The following NLGN1 variants were observed in gnomAD, a reference collection of about 807,000 sequenced individuals.
NLGN1 encodes neuroligin 1.
In NLGN1, 12 loss-of-function variants were observed where a neutral mutation model predicts 65.5. That is an observed-to-expected ratio of 0.18 (90% CI 0.12 to 0.30). The LOEUF (loss-of-function observed/expected upper bound fraction) is 0.30, where lower values mean the gene tolerates loss of function less well. NLGN1 is among the 10% of genes least tolerant of loss of function. The pLI is 1.00. For missense variants in NLGN1, 750 were observed against 1,007.1 expected (o/e 0.74, Z 3.46); for synonymous variants, 350 against 359.5 (o/e 0.97, Z 0.30).
chr3:174,211,115 A>G (rs6781379), intron 4 of NLGN1, among the ~76,000 whole-genome samples: 111,890 of 151,906 alleles, frequency 0.74, 41,266 homozygotes, highest in East Asian at 0.81. Context: ...AGATCTTCGC[A>G]GTGAGTGTTA....
chr3:174,152,546 A>T (rs1724576268), intron 4 of NLGN1, among the ~76,000 whole-genome samples: 1 of 152,028 alleles, frequency 6.6e-6, no homozygotes, highest in Non-Finnish European at 1.5e-5. Context: ...ACCTGATGTA[A>T]ATGATGAGTT....
intron 2 of NLGN1, among the ~76,000 whole-genome samples, chr3:173,443,289 T>G (rs1210865614): frequency 7.1e-6 from 1 of 140,638 alleles, no homozygotes; most frequent in Non-Finnish European, 1.5e-5. Flanking sequence ...TTTATATTTT[T>G]ACTTTAATAG....
intron 2 of NLGN1, among the ~76,000 whole-genome samples, chr3:173,602,625 G>A (rs1750728077): frequency 6.6e-6 from 1 of 151,980 alleles, no homozygotes. Flanking sequence ...TATCAGTTGT[G>A]CGAAGAAAAA....
intron 4 of NLGN1, among the ~76,000 whole-genome samples, chr3:174,164,194 T>G (rs1032424526): frequency 6.6e-6 from 1 of 152,128 alleles, no homozygotes; most frequent in Non-Finnish European, 1.5e-5. Flanking sequence ...TGATTATTGA[T>G]GATGATAATT....
At chr3:173,497,640 A>G (rs1730254277) in intron 2 of NLGN1, among the ~76,000 whole-genome samples, 1 of 151,808 alleles carries the variant, frequency 6.6e-6, no homozygotes, top group Admixed American at 6.6e-5. Flanking sequence ...ATGTCTTCAA[A>G]TCAATTCCTG....
upstream of NLGN1, chr3:173,396,767 T>G (rs1716691759): frequency 6.6e-6 from 1 of 152,280 alleles, no homozygotes; most frequent in Middle Eastern, 3.2e-3. Flanking sequence ...GAACTTCCTA[T>G]TCCCTGCCTC....
intron 5 of NLGN1, among the ~76,000 whole-genome samples, chr3:174,276,602 A>G (rs563336865): frequency 6.6e-6 from 1 of 152,004 alleles, no homozygotes; most frequent in African/African-American, 2.4e-5. Context: ...ATTTGTTTTC[A>G]GTATCAAAAA....
At chr3:174,258,688 C>A (rs1044439464) in intron 4 of NLGN1, among the ~76,000 whole-genome samples, 8 of 152,086 alleles carry the variant, frequency 5.3e-5, no homozygotes, top group African/African-American at 9.7e-5. Flanking sequence ...ATCAGATAAA[C>A]CCTAATTGAG....
intron 2 of NLGN1, among the ~76,000 whole-genome samples, chr3:173,466,780 T>C (rs1033486149): frequency 2.0e-5 from 3 of 152,156 alleles, no homozygotes; most frequent in Non-Finnish European, 4.4e-5. Flanking sequence ...AACTCACAGA[T>C]GGTAGACAAC....
At chr3:173,543,897 A>T (rs1463964844) in intron 2 of NLGN1, among the ~76,000 whole-genome samples, 4 of 152,156 alleles carry the variant, frequency 2.6e-5, no homozygotes, top group Non-Finnish European at 5.9e-5. Flanking sequence ...TAGGTGAATG[A>T]CAGTAAACCA....
rs561356542 is a variant in NLGN1 at position 174,017,255 on chromosome 3, C to T, written c.646+209423C>T. ...ACTCTTCTTTTGGCTGATGTTGTGT[C>T]CAGAACTCTTTATTCTTCATTATTG... On this transcript the variant is annotated intron_variant, in intron 4 of 6. Coordinates refer to ENST00000457714, the Ensembl canonical transcript of NLGN1. Among the ~76,000 whole-genome samples, 10 of 152,244 alleles carry T rather than the reference C, an allele frequency of 6.6e-5. No individual in the cohort carries two copies. The South Asian group carries it at 2.1e-3, about 32-fold the overall frequency.
At chr3:173,990,549 T>C (rs985125421) in intron 4 of NLGN1, among the ~76,000 whole-genome samples, 17 of 152,196 alleles carry the variant, frequency 1.1e-4, no homozygotes, top group African/African-American at 3.9e-4. Flanking sequence ...AGTTTTATTT[T>C]TCAGAGGGTC....
At chr3:173,823,109 T>C (rs921915474) in intron 4 of NLGN1, among the ~76,000 whole-genome samples, 2 of 152,030 alleles carry the variant, frequency 1.3e-5, no homozygotes, top group Admixed American at 1.3e-4. Flanking sequence ...TATTCGCATA[T>C]AATTTTTAAG....
intron 2 of NLGN1, among the ~76,000 whole-genome samples, chr3:173,474,211 GTTTTT>G: frequency 6.6e-6 from 1 of 151,380 alleles, no homozygotes; most frequent in Middle Eastern, 3.4e-3. Context: ...ATTCTAGTCT[GTTTTT>G]ATTTGAGAGT....
intron 4 of NLGN1, among the ~76,000 whole-genome samples, chr3:174,015,746 C>T (rs990427098): frequency 6.6e-6 from 1 of 152,152 alleles, no homozygotes; most frequent in African/African-American, 2.4e-5. Context: ...AAGGTTATTA[C>T]ACCAATTAAC....
chr3:174,265,153 C>G (rs964193095), intron 4 of NLGN1, among the ~76,000 whole-genome samples: 2 of 151,828 alleles, frequency 1.3e-5, no homozygotes, highest in South Asian at 4.2e-4. Flanking sequence ...GCCCTGCCCC[C>G]AGAGGTGGAG....
rs373763421 is a variant in NLGN1 at position 174,066,516 on chromosome 3, G to GTCTCTCTCTCTC, written c.647-208761_647-208750dup. Among the ~76,000 whole-genome samples the GTCTCTCTCTCTC allele has an allele frequency of 9.4e-3, 629 of 66,904 alleles. 18 individuals are homozygous for GTCTCTCTCTCTC. Among genetic ancestry groups the GTCTCTCTCTCTC allele is most frequent in the Middle Eastern group, 0.054 (3 of 56 alleles). 43.9% of individuals were successfully genotyped at this position (66,904 alleles called of 152,430 possible). On this transcript the variant is annotated intron_variant, in intron 4 of 6. Transcript: ENST00000457714. ...AGTTTTTAAATAGATTATGGAACAAGTCTCTCTCTCTCTCTCTCTCTCTCT... is the reference window on the plus strand; with the variant it reads ...AGTTTTTAAATAGATTATGGAACAAGTCTCTCTCTCTCTCTCTCTCTCTCTCTCTCTCTCTCT...
chr3:174,155,516 T>C (rs113351291), intron 4 of NLGN1, among the ~76,000 whole-genome samples: 7 of 152,020 alleles, frequency 4.6e-5, no homozygotes, highest in Non-Finnish European at 8.8e-5. Context: ...AACTTTTCAT[T>C]AGACAATATA....
intron 2 of NLGN1, among the ~76,000 whole-genome samples, chr3:173,506,082 T>A (rs1038632319): frequency 1.3e-5 from 2 of 152,096 alleles, no homozygotes; most frequent in African/African-American, 2.4e-5. Flanking sequence ...TTGCTTAGTG[T>A]TCCTGATAAA....
Sources: allele counts gnomAD v4.1 joint callset (sites outside exome capture counted in the v4.1 genomes callset), GRCh38; gene constraint gnomAD v4.1.1; transcripts MANE v1.5; gene names NCBI Gene and HGNC (gene_info 2026-07-23, HGNC 2026-07-21).